CCNJ: variants seen among roughly 807,000 people sequenced by gnomAD.
CCNJ encodes the protein cyclin-J.
CCNJ carries 12 observed loss-of-function variants against 41.4 expected under a neutral mutation model. That is an observed-to-expected ratio of 0.29 (90% CI 0.19 to 0.47). The LOEUF (loss-of-function observed/expected upper bound fraction) is 0.47, where lower values mean the gene tolerates loss of function less well. Ranked by LOEUF, CCNJ falls within the 20% of genes least tolerant of loss-of-function variation. CCNJ has a pLI of 1.00. For missense variants in CCNJ, 340 were observed against 464.6 expected, an observed-to-expected ratio of 0.73 and a Z score of 2.47; for synonymous variants, 161 against 173.4, an observed-to-expected ratio of 0.93 and a Z score of 0.56.
At chr10:96,048,402 C>T (rs1473872803) in intron 2 of CCNJ, among the ~76,000 whole-genome samples, 1 of 152,206 alleles carries the variant, frequency 6.6e-6, no homozygotes, top group Non-Finnish European at 1.5e-5. Flanking sequence ...CTCCCACCAA[C>T]AGTGTAAAAG....
At chr10:96,055,665 G>T (rs1267894258) in intron 3 of CCNJ, among the ~76,000 whole-genome samples, 1 of 152,210 alleles carries the variant, frequency 6.6e-6, no homozygotes, top group Non-Finnish European at 1.5e-5. Context: ...GTGCATAGCT[G>T]AAACCTTATA....
chr10:96,049,450 A>C lies in CCNJ; in HGVS notation c.70-806A>C, dbSNP rs138287821. ...TTAAACAAAAGTTTTTAATTTTGTT[A>C]AAGTCCCATTTCTCTTTTCTTTTTC... On this transcript the variant is annotated intron_variant, in intron 2 of 5. Transcript: ENST00000465148. Among the ~76,000 whole-genome samples the C allele has an allele frequency of 1.4e-3, 211 of 149,488 alleles. 1 individual carries two copies. Among genetic ancestry groups the C allele is most frequent in the African/African-American group, 4.9e-3 (199 of 40,796 alleles).
In CCNJ at chr10:96,057,263, C is replaced by G. The variant is rs776840389; in HGVS notation, c.740+16C>G. ...GACTGTTGATGTAAGCCTTTTTATT[C>G]TTGTGTTTGTACTTTCTCATTAACA... On this transcript the variant is annotated intron_variant, in intron 5 of 5. Coordinates refer to ENST00000465148, the MANE Select transcript of CCNJ (RefSeq NM_001134375.2). The G allele has an allele frequency of 1.2e-6, 2 of 1,607,940 alleles. No individual in the cohort carries two copies. The highest frequency in any genetic ancestry group is 1.7e-6 in the Non-Finnish European group (2 of 1,175,340).
In CCNJ at chr10:96,047,057, G is replaced by C. The variant is rs367624804; in HGVS notation, c.69+2595G>C. On this transcript the variant is annotated intron_variant, in intron 2 of 5. Coordinates refer to ENST00000465148, the MANE Select transcript of CCNJ (RefSeq NM_001134375.2). Reference sequence around the variant, plus strand: ...CCCAACTCCCTAATCCCTGAGCTAAGTTAGATTTTCTTCCTAGGTGTTGCC... The same window carrying C: ...CCCAACTCCCTAATCCCTGAGCTAACTTAGATTTTCTTCCTAGGTGTTGCC... Among the ~76,000 whole-genome samples, 91 of 152,278 alleles carry C rather than the reference G, an allele frequency of 6.0e-4. No homozygotes were observed. In the South Asian group the frequency reaches 0.018, roughly 30 times the overall value.
intron 3 of CCNJ, among the ~76,000 whole-genome samples, chr10:96,050,705 C>A (rs1323339216): frequency 6.6e-6 from 1 of 152,178 alleles, no homozygotes; most frequent in East Asian, 1.9e-4. Flanking sequence ...TCCAGATCTA[C>A]TAAGACAAAA....
chr10:96,057,117 T>G lies in CCNJ; in HGVS notation c.610T>G (p.Leu204Val). 3 of 1,614,140 alleles carry G rather than the reference T, an allele frequency of 1.9e-6. No homozygotes were observed. Among genetic ancestry groups the G allele is most frequent in the Non-Finnish European group, 2.5e-6 (3 of 1,179,958 alleles). Residue 204 changes from leucine (L) to valine (V), a missense_variant, in exon 5 of 6, where the codon TTA becomes GTA. Transcript: ENST00000465148. ...DYAFLNYAPS[L>V]VAAACVASSR... ...TGCCTTTCTAAATTATGCACCTTCT[T>G]TAGTAGCTGCTGCATGTGTGGCTTC...
intron 1 of CCNJ, 79 bp downstream of exon 1, chr10:96,043,798 C>T (rs2080279000): frequency 5.2e-6 from 2 of 386,312 alleles, no homozygotes; most frequent in Non-Finnish European, 4.6e-6. Flanking sequence ...CGGGGTGAGG[C>T]GCAGAGCCTG....
intron 2 of CCNJ, among the ~76,000 whole-genome samples, chr10:96,049,779 T>C (rs1379054480): frequency 6.6e-6 from 1 of 152,146 alleles, no homozygotes; most frequent in Admixed American, 6.5e-5. Context: ...GAAACAAAAT[T>C]AGAAGATACT....
intron 1 of CCNJ, 51 bp downstream of exon 1, chr10:96,043,770 T>TG: frequency 2.6e-6 from 1 of 386,278 alleles, no homozygotes; most frequent in Non-Finnish European, 4.6e-6. Flanking sequence ...GGGGTAGGCG[T>TG]GGGGCAGCGG....
Position 96,058,109 on chromosome 10 carries a change from G to C in CCNJ, c.1020G>C (p.Gly340=). The stretch of plus-strand genomic sequence containing the variant: ...TCCAAACTAGTGTTCAGGGCCTTGG[G>C]CACATGCAGACTGGTGTTGGGATGT... The part of the protein sequence containing the change: ...AGFQTSVQGL[G]HMQTGVGMSL... Residue 340 remains glycine, a synonymous_variant, in exon 6 of 6, where the codon GGG becomes GGC. Transcript: ENST00000465148. The C allele has an allele frequency of 6.2e-7, 1 of 1,614,198 alleles. No individual in the cohort carries two copies. Among genetic ancestry groups the C allele is most frequent in the Middle Eastern group, 1.7e-4 (1 of 6,060 alleles).
chr10:96,045,483 G>T (rs1056674941), intron 2 of CCNJ, among the ~76,000 whole-genome samples: 1 of 152,200 alleles, frequency 6.6e-6, no homozygotes, highest in African/African-American at 2.4e-5. Flanking sequence ...GACTTAAATT[G>T]TTACCCTTTT....
intron 2 of CCNJ, 55 bp downstream of exon 2, chr10:96,044,517 G>C: frequency 7.4e-7 from 1 of 1,348,088 alleles, no homozygotes; most frequent in Non-Finnish European, 9.9e-7. Flanking sequence ...CAGTTGTTCT[G>C]AATCTCGGCT....
intron 3 of CCNJ, 47 bp from the exon 4 acceptor site, chr10:96,056,654 C>T (rs777757967): frequency 3.9e-5 from 54 of 1,392,124 alleles, no homozygotes; most frequent in African/African-American, 1.4e-5. Context: ...CAATAATGAT[C>T]ACTTGCCTGA....
At chr10:96,043,850 A>G in intron 1 of CCNJ, 131 bp downstream of exon 1, 1 of 380,300 alleles carries the variant, frequency 2.6e-6, no homozygotes, top group East Asian at 3.8e-5. Context: ...GCCGCGCGGA[A>G]CGTGCGTTTC....
chr10:96,047,784 C>T (rs1290140730), intron 2 of CCNJ, among the ~76,000 whole-genome samples: 3 of 151,862 alleles, frequency 2.0e-5, no homozygotes, highest in South Asian at 4.2e-4. Context: ...CTTTTTTTCC[C>T]CAACTTTTAA....
chr10:96,055,304 G>A (rs902232726), intron 3 of CCNJ, among the ~76,000 whole-genome samples: 3 of 152,164 alleles, frequency 2.0e-5, no homozygotes, highest in Non-Finnish European at 2.9e-5. Flanking sequence ...CACAACACAT[G>A]AGCTTAGAAT....
At chr10:96,053,375 A>G in intron 3 of CCNJ, among the ~76,000 whole-genome samples, 1 of 152,232 alleles carries the variant, frequency 6.6e-6, no homozygotes, top group East Asian at 1.9e-4. Flanking sequence ...AATATGTTTA[A>G]AAGCATGTAG....
chr10:96,058,185 C>T lies in CCNJ; in HGVS notation c.1096C>T (p.Arg366Trp), dbSNP rs1211691107. ...GCCCTGTCTGAGTGTTTCTTACAACCGGAGTTATCAGATAAATGAACATTA... is the reference window on the plus strand; with the variant it reads ...GCCCTGTCTGAGTGTTTCTTACAACTGGAGTTATCAGATAAATGAACATTA... ...VKPCLSVSYN[R>W]SYQINEHYPC... Residue 366 changes from arginine (R) to tryptophan (W), a missense_variant, in exon 6 of 6, where the codon CGG (arginine) becomes TGG (tryptophan). Arg to Trp is a moderately radical substitution (Grantham distance 101). Transcript: ENST00000465148. 6 of 1,613,864 alleles carry T rather than the reference C, an allele frequency of 3.7e-6. No individual in the cohort carries two copies. Among genetic ancestry groups the T allele is most frequent in the East Asian group, 2.2e-5 (1 of 44,900 alleles).
intron 2 of CCNJ, among the ~76,000 whole-genome samples, chr10:96,048,832 T>C (rs1055675565): frequency 1.3e-5 from 2 of 152,248 alleles, no homozygotes; most frequent in African/African-American, 4.8e-5. Context: ...TGGTGGGCAT[T>C]TGCATTGTTT....
Sources: gnomAD v4.1 joint callset for allele counts (sites outside exome capture counted in the v4.1 genomes callset) on GRCh38, gnomAD v4.1.1 for gene constraint, MANE v1.5 for transcripts, NCBI Gene and HGNC (gene_info 2026-07-23, HGNC 2026-07-21) for gene names.